NRG1: variants seen among roughly 807,000 people sequenced by gnomAD.
NRG1 encodes the protein neuregulin 1.
A neutral mutation model predicts 63.8 loss-of-function variants in NRG1; 18 were observed. That is an observed-to-expected ratio of 0.28 (90% CI 0.19 to 0.42). The LOEUF is 0.42. Ranked by LOEUF, NRG1 falls within the 10% of genes least tolerant of loss-of-function variation. NRG1 has a pLI of 1.00. For missense variants in NRG1, 762 were observed against 814.7 expected (o/e 0.94, Z 0.79); for synonymous variants, 302 against 301.3 (o/e 1.00, Z -0.02).
chr8:31,734,037 A>C (rs1439898380), intron 1 of NRG1, among the ~76,000 whole-genome samples: 2 of 151,994 alleles, frequency 1.3e-5, no homozygotes, highest in African/African-American at 4.8e-5. Flanking sequence ...TGTGTGCCTT[A>C]CCATCTTTTT....
intron 1 of NRG1, among the ~76,000 whole-genome samples, chr8:32,244,238 T>G (rs1485563921): frequency 1.3e-5 from 2 of 152,188 alleles, no homozygotes; most frequent in African/African-American, 4.8e-5. Flanking sequence ...TGTTGGCAGA[T>G]TCTTTCCAAG....
chr8:31,762,625 TA>T (rs370248957), intron 1 of NRG1, among the ~76,000 whole-genome samples: 190 of 152,210 alleles, frequency 1.2e-3, no homozygotes, highest in East Asian at 1.9e-3. Flanking sequence ...CTTAAACTTT[TA>T]TTTTCTGTCT....
At chr8:32,576,946 T>A (rs1343846758) in intron 1 of NRG1, among the ~76,000 whole-genome samples, 1 of 152,128 alleles carries the variant, frequency 6.6e-6, no homozygotes, top group African/African-American at 2.4e-5. Flanking sequence ...TACCCAATAG[T>A]TGGTTTTTCA....
At chr8:31,870,333 A>G (rs1829366216) in intron 1 of NRG1, among the ~76,000 whole-genome samples, 1 of 152,218 alleles carries the variant, frequency 6.6e-6, no homozygotes, top group South Asian at 2.1e-4. Flanking sequence ...GATAGGTGTG[A>G]TAACATAGAT....
intron 1 of NRG1, among the ~76,000 whole-genome samples, chr8:31,691,687 A>G (rs1809542360): frequency 6.6e-6 from 1 of 151,332 alleles, no homozygotes; most frequent in South Asian, 2.1e-4. Flanking sequence ...TTAATAAGTT[A>G]AAGTGTTTTT....
chr8:31,794,905 C>T (rs35970234), intron 1 of NRG1, among the ~76,000 whole-genome samples: 7,552 of 152,200 alleles, frequency 0.05, 253 homozygotes, highest in Admixed American at 0.11. Context: ...TGGATTCAAG[C>T]GATTCTCCTC....
chr8:31,716,658 G>C (rs988896038), intron 1 of NRG1, among the ~76,000 whole-genome samples: 2 of 152,074 alleles, frequency 1.3e-5, no homozygotes, highest in Non-Finnish European at 2.9e-5. Flanking sequence ...ATGTCCCTCA[G>C]CTCTAGCTTT....
chr8:31,800,837 CTTTTTTTTTTT>C lies in NRG1; in HGVS notation c.37+161417_37+161427del, dbSNP rs5890598. On this transcript the variant is annotated intron_variant, in intron 1 of 10. Coordinates refer to the NRG1 transcript ENST00000519301. ...GATTTAGATTTCTCCAGTCTCCTTT[CTTTTTTTTTTT>C]TTTTTTTTTTGAGATGGAGTCTCGC... is the stretch of plus-strand genomic sequence containing the variant. Among the ~76,000 whole-genome samples, 5 of 105,040 alleles carry C rather than the reference CTTTTTTTTTTT, an allele frequency of 4.8e-5. No homozygotes were observed. The South Asian group carries it at 1.5e-3, about 32-fold the overall frequency. 68.9% of individuals were successfully genotyped at this position (105,040 alleles called of 152,430 possible).
chr8:32,559,888 G>T (rs559958727), intron 1 of NRG1, among the ~76,000 whole-genome samples: 1 of 151,874 alleles, frequency 6.6e-6, no homozygotes, highest in Non-Finnish European at 1.5e-5. Context: ...CAGGCATGGT[G>T]GGATGCACCT....
At chr8:32,562,658 G>T (rs138992519) in intron 1 of NRG1, among the ~76,000 whole-genome samples, 7 of 152,208 alleles carry the variant, frequency 4.6e-5, no homozygotes, top group Non-Finnish European at 1.0e-4. Context: ...GAGTGTGCAT[G>T]TATGTACGTG....
intron 1 of NRG1, among the ~76,000 whole-genome samples, chr8:31,724,382 A>C (rs181225890): frequency 5.9e-5 from 9 of 152,242 alleles, no homozygotes; most frequent in Non-Finnish European, 1.2e-4. Context: ...GTCCAAGGGA[A>C]AGATGATGTG....
Position 32,350,188 on chromosome 8 carries a change from A to G in NRG1, c.38-245640A>G, listed in dbSNP as rs181114964. Among the ~76,000 whole-genome samples, 80 of 152,280 alleles carry G rather than the reference A, an allele frequency of 5.3e-4. No homozygotes were observed. The East Asian group carries it at 0.014, about 27-fold the overall frequency. ...GTCATGTGGTTGCAGTGGACATGGA[A>G]AGTAAACACTGCTATAAACAGAGAA... On this transcript the variant is annotated intron_variant, in intron 1 of 10. Transcript: ENST00000519301.
chr8:32,027,019 ATTGTT>A (rs890201097), intron 1 of NRG1, among the ~76,000 whole-genome samples: 100 of 152,162 alleles, frequency 6.6e-4, no homozygotes, highest in African/African-American at 2.3e-3. Context: ...TCATAAGGCT[ATTGTT>A]TTGAGTTCTT....
At chr8:32,178,846 G>A (rs1476633262) in intron 1 of NRG1, among the ~76,000 whole-genome samples, 1 of 151,816 alleles carries the variant, frequency 6.6e-6, no homozygotes. Context: ...GGAGGAGTCA[G>A]GATTGACTTA....
At chr8:32,301,528 T>G (rs1170089278) in intron 1 of NRG1, among the ~76,000 whole-genome samples, 2 of 152,164 alleles carry the variant, frequency 1.3e-5, no homozygotes, top group Non-Finnish European at 2.9e-5. Context: ...ATTAGTCCAT[T>G]TTCGTGCTGC....
intron 1 of NRG1, among the ~76,000 whole-genome samples, chr8:32,143,928 A>G (rs758111755): frequency 1.3e-5 from 2 of 152,228 alleles, no homozygotes; most frequent in Non-Finnish European, 2.9e-5. Flanking sequence ...ATATCTTGCT[A>G]TGCAGGGCTC....
intron 1 of NRG1, among the ~76,000 whole-genome samples, chr8:32,574,367 A>G (rs1350595207): frequency 6.6e-6 from 1 of 152,130 alleles, no homozygotes; most frequent in Non-Finnish European, 1.5e-5. Context: ...CAAATATATA[A>G]TTCTAAGAAA....
At chr8:32,228,244 A>G (rs1846538736) in intron 1 of NRG1, among the ~76,000 whole-genome samples, 1 of 152,204 alleles carries the variant, frequency 6.6e-6, no homozygotes, top group Non-Finnish European at 1.5e-5. Flanking sequence ...ATCAGTGTAA[A>G]TGGATATTAG....
chr8:32,107,290 A>G (rs1339820976), intron 1 of NRG1, among the ~76,000 whole-genome samples: 1 of 152,194 alleles, frequency 6.6e-6, no homozygotes, highest in East Asian at 1.9e-4. Context: ...ATGTAGGCAT[A>G]TACAAAAATA....
Sources: gnomAD v4.1 joint callset for allele counts (sites outside exome capture counted in the v4.1 genomes callset) on GRCh38, gnomAD v4.1.1 for gene constraint, MANE v1.5 for transcripts, NCBI Gene and HGNC (gene_info 2026-07-23, HGNC 2026-07-21) for gene names.